AMT: variants seen among roughly 807,000 people sequenced by gnomAD.
AMT encodes aminomethyltransferase, also known as aminomethyltransferase, mitochondrial.
In AMT, 24 loss-of-function variants were observed where a neutral mutation model predicts 39.5. The observed-to-expected ratio is 0.61, with a 90% CI of 0.44 to 0.86. AMT has a LOEUF of 0.86. Ranked by LOEUF, AMT falls within the 40% of genes least tolerant of loss-of-function variation. AMT has a pLI of 0.00. For missense variants in AMT, 501 were observed against 537.0 expected (o/e 0.93, Z 0.66); for synonymous variants, 210 against 212.1 (o/e 0.99, Z 0.09).
chr3:49,418,110 C>G, intron 7 of AMT, 137 bp from the exon 8 acceptor site: 1 of 1,172,042 alleles, frequency 8.5e-7, no homozygotes, highest in Non-Finnish European at 1.2e-6. Context: ...CTATTCCTCC[C>G]TTCACTGCCG....
rs149457059 is a variant in AMT, at chr3:49,417,890, C to T, written c.961G>A (p.Val321Met). The T allele has an allele frequency of 7.2e-5, 116 of 1,613,994 alleles. No homozygotes were observed. Among genetic ancestry groups the T allele is most frequent in the Middle Eastern group, 3.3e-4 (2 of 6,084 alleles). ...GGGGCCCCCTCACACATCAACCCCA[C>T]ACGCCTCCGCTGCACCCTGCCCTTC... ...QLKGRVQRRR[V>M]GLMCEGAPMR... Residue 321 changes from valine (V) to methionine (M), a missense_variant, in exon 8 of 9, where the codon GTG becomes ATG. Transcript: ENST00000273588.
intron 3 of AMT, 97 bp downstream of exon 3, chr3:49,421,395 T>C: frequency 1.1e-6 from 1 of 929,284 alleles, no homozygotes; most frequent in African/African-American, 1.6e-5. Context: ...AAGCTGTGTT[T>C]GACTCATCTC....
At chr3:49,418,947 T>G in intron 7 of AMT, 24 bp downstream of exon 7, 1 of 1,613,094 alleles carries the variant, frequency 6.2e-7, no homozygotes, top group Admixed American at 1.7e-5. Context: ...CAGGACCCTA[T>G]CCTTTAGTGC....
chr3:49,419,745 A>G lies in AMT; in HGVS notation c.515T>C (p.Leu172Pro), dbSNP rs1366977126. The G allele has an allele frequency of 6.2e-7, 1 of 1,614,148 alleles. No homozygotes were observed. The highest frequency in any genetic ancestry group is 1.7e-5 in the Admixed American group (1 of 60,008). Residue 172 changes from leucine to proline, a missense_variant, in exon 5 of 9, where the codon CTG (leucine) becomes CCG (proline). Physicochemically the swap from Leu to Pro is moderately conservative, Grantham distance 98 (BLOSUM62 -3). Transcript: ENST00000273588. ...ELQNQGRDVGLEVLDNALLAL... is the reference protein window; with the variant it reads ...ELQNQGRDVGPEVLDNALLAL... ...TAGCAGGGCATTATCCAACACCTCC[A>G]GGCCCACATCTCTGCCCTGGTTCTG... is the stretch of plus-strand genomic sequence containing the variant.
At position 49,419,727 on chromosome 3, in the gene AMT, G is replaced by A. The variant is rs745689345; in HGVS notation, c.533C>T (p.Ala178Val). 2.8e-5 allele frequency: 45 copies of A among 1,614,128 alleles called. No individual in the cohort carries two copies. The highest frequency in any genetic ancestry group is 3.6e-5 in the Non-Finnish European group (43 of 1,180,014). The change falls in exon 5 of 9, where the codon GCC (alanine) becomes GTC (valine). Residue 178 changes from alanine to valine, a missense_variant. Coordinates refer to ENST00000273588, the MANE Select transcript of AMT (RefSeq NM_000481.4). ...CCTCTCACCTTGCAGAGCTAGCAGGGCATTATCCAACACCTCCAGGCCCAC... is the reference window on the plus strand; with the variant it reads ...CCTCTCACCTTGCAGAGCTAGCAGGACATTATCCAACACCTCCAGGCCCAC... ...RDVGLEVLDN[A>V]LLALQGPTAA...
At position 49,417,501 on chromosome 3, in the gene AMT, CA is replaced by C. The variant is rs780491246; in HGVS notation, c.*38del. Reference sequence around the variant, plus strand: ...CTTCTTGACTAACCCCTTGTAGGGGCAAAACTCCTGGAAGGGACAGCCCCAC... The same window carrying C: ...CTTCTTGACTAACCCCTTGTAGGGGCAAACTCCTGGAAGGGACAGCCCCAC... On this transcript the variant is annotated 3_prime_UTR_variant, in exon 9 of 9. Transcript: ENST00000273588. 19 of 1,614,148 alleles carry C rather than the reference CA, an allele frequency of 1.2e-5. No individual in the cohort carries two copies. The highest frequency in any genetic ancestry group is 1.4e-5 in the Non-Finnish European group (17 of 1,180,024).
rs540871146 is a variant in AMT at position 49,418,283 on chromosome 3, A to G, written c.878-310T>C. On this transcript the variant is annotated intron_variant, in intron 7 of 8. Coordinates refer to ENST00000273588, the MANE Select transcript of AMT (RefSeq NM_000481.4). ...CTGCAAACTCTGCCTCCCAGGTTCA[A>G]GCAATTTACCTGCCTCAGTCTCCCG... 6 of 406,520 alleles carry G rather than the reference A, an allele frequency of 1.5e-5. No individual in the cohort carries two copies. The East Asian group carries it at 3.2e-4, about 22-fold the overall frequency. The allele number at this position is 406,520 out of a possible 1,614,324, so 25.2% of individuals were successfully genotyped here.
chr3:49,418,911 G>A, intron 7 of AMT, 60 bp downstream of exon 7: 1 of 1,575,642 alleles, frequency 6.3e-7, no homozygotes, highest in Non-Finnish European at 8.7e-7. Flanking sequence ...GGGCTGGCTA[G>A]TCTTATCAAG....
intron 7 of AMT, chr3:49,418,696 G>C: frequency 2.5e-6 from 1 of 392,956 alleles, no homozygotes; most frequent in Non-Finnish European, 4.8e-6. Context: ...TAGTAGAGAC[G>C]GGGTTTCACC....
Position 49,419,771 on chromosome 3 carries a change from A to C in AMT, c.489T>G (p.Leu163=), listed in dbSNP as rs753952316. 6.2e-7 allele frequency: 1 copy of C among 1,614,086 alleles called. No homozygotes were observed. The highest frequency in any genetic ancestry group is 1.1e-5 in the South Asian group (1 of 91,078). The part of the protein sequence containing the change: ...LALMQDKVRE[L]QNQGRDVGLE... ...GGCCCACATCTCTGCCCTGGTTCTG[A>C]AGCTCCCTGACCTTGTCCTAAAAGA... Residue 163 remains leucine, a synonymous_variant, in exon 5 of 9, where the codon CTT becomes CTG. Transcript: ENST00000273588.
chr3:49,418,808 A>G lies in AMT; in HGVS notation c.877+163T>C, dbSNP rs114452901. The G allele has an allele frequency of 8.1e-5, 62 of 764,716 alleles. No homozygotes were observed. The African/African-American group carries it at 8.6e-4, about 11-fold the overall frequency. 47.4% of individuals were successfully genotyped at this position (764,716 alleles called of 1,614,324 possible). ...ATGTGAGCCACCGCATCCGGCCAAC[A>G]TCTGCAGTTTCTAATGGGCAAAGGC... On this transcript the variant is annotated intron_variant, in intron 7 of 8. Transcript: ENST00000273588.
At position 49,419,308 on chromosome 3, in the gene AMT, A is replaced by G. The variant is rs773990204; in HGVS notation, c.648T>C (p.Ser216=). ...TSAVMEVFGV[S]GCRVTRCGYT... ...AGCCACAGCGGGTCACGCGGCAGCCAGACACGCCAAACACCTCCATCACAG... is the reference window on the plus strand; with the variant it reads ...AGCCACAGCGGGTCACGCGGCAGCCGGACACGCCAAACACCTCCATCACAG... Residue 216 remains serine, a synonymous_variant, in exon 6 of 9, where the codon TCT becomes TCC. Coordinates refer to ENST00000273588, the MANE Select transcript of AMT (RefSeq NM_000481.4). 1 of 1,614,180 alleles carries G rather than the reference A, an allele frequency of 6.2e-7. No individual in the cohort carries two copies. Among genetic ancestry groups the G allele is most frequent in the Non-Finnish European group, 8.5e-7 (1 of 1,180,020 alleles).
intron 4 of AMT, chr3:49,419,991 C>T: frequency 2.5e-6 from 2 of 788,752 alleles, no homozygotes; most frequent in East Asian, 2.7e-5. Flanking sequence ...TCTGCCACCT[C>T]ACACCAGAGG....
intron 4 of AMT, 150 bp from the exon 5 acceptor site, chr3:49,419,938 A>G (rs928509370): frequency 8.2e-6 from 7 of 855,452 alleles, no homozygotes; most frequent in Middle Eastern, 3.2e-4. Context: ...CCATCTTACA[A>G]GGTCACATAG....
At chr3:49,422,333 C>T (rs2049121862) in intron 1 of AMT, 28 bp downstream of exon 1, 1 of 1,613,878 alleles carries the variant, frequency 6.2e-7, no homozygotes, top group Non-Finnish European at 8.5e-7. Flanking sequence ...CCTCCCCCAC[C>T]CTCCAAGATC....
At position 49,420,319 on chromosome 3, in the gene AMT, G is replaced by A. The variant is rs367604855; in HGVS notation, c.363C>T (p.Asn121=). 385 of 1,614,028 alleles carry A rather than the reference G, an allele frequency of 2.4e-4. 1 individual carries two copies. The highest frequency in any genetic ancestry group is 4.9e-4 in the Middle Eastern group (3 of 6,084). ...PNQGTLSLFT[N]EAGGILDDLI... is the part of the protein sequence containing the mutation. ...AGTCATCTAAGATGCCTCCAGCCTC[G>A]TTGGTAAACAGCGACAGTGTCCCCT... Residue 121 remains asparagine, a synonymous_variant, in exon 4 of 9, where the codon AAC becomes AAT. Coordinates refer to ENST00000273588, the MANE Select transcript of AMT (RefSeq NM_000481.4).
At chr3:49,421,749 AGT>A (rs2107936442) in intron 2 of AMT, 177 bp from the exon 3 acceptor site, 1 of 701,626 alleles carries the variant, frequency 1.4e-6, no homozygotes, top group African/African-American at 1.7e-5. Flanking sequence ...GACCTCCCCC[AGT>A]CACTCTGTGT....
chr3:49,418,494 CTTTTTT>C (rs3049036), intron 7 of AMT: 26 of 64,656 alleles, frequency 4.0e-4, no homozygotes, highest in African/African-American at 1.1e-3. Flanking sequence ...TCTTCAGTTT[CTTTTTT>C]TTTTTTTTTT....
chr3:49,420,028 T>G, intron 4 of AMT, 183 bp downstream of exon 4: 1 of 882,252 alleles, frequency 1.1e-6, no homozygotes, highest in Non-Finnish European at 1.8e-6. Flanking sequence ...CCATGCCTGG[T>G]AATCCCCCAC....
Sources: gnomAD v4.1 joint callset for allele counts on GRCh38, gnomAD v4.1.1 for gene constraint, MANE v1.5 for transcripts, NCBI Gene and HGNC (gene_info 2026-07-23, HGNC 2026-07-21) for gene names.